Variants in DLG2 observed in about 807,000 individuals in gnomAD.
The protein encoded by DLG2 is discs large MAGUK scaffold protein 2, also known as disks large homolog 2.
Under a neutral mutation model 132.5 loss-of-function variants are expected in DLG2, and 45 were observed. The observed-to-expected ratio is 0.34, with a 90% CI of 0.27 to 0.44. DLG2 has a LOEUF of 0.44. Among genes scored for constraint, DLG2 ranks in the 20% least tolerant of loss-of-function variants. The pLI, the probability that DLG2 is intolerant of heterozygous loss-of-function variation, is 1.00. For missense variants in DLG2, 1,045 were observed against 1,196.9 expected, an observed-to-expected ratio of 0.87 and a Z score of 1.87; for synonymous variants, 424 against 419.6, an observed-to-expected ratio of 1.01 and a Z score of -0.13.
chr11:83,908,340 T>C (rs1024288027), intron 15 of DLG2, among the ~76,000 whole-genome samples: 7 of 152,032 alleles, frequency 4.6e-5, no homozygotes, highest in Non-Finnish European at 4.4e-5. Context: ...CCAACCTTTG[T>C]CTTCCCACTA....
intron 17 of DLG2, among the ~76,000 whole-genome samples, chr11:83,801,041 C>T (rs2044233387): frequency 6.6e-6 from 1 of 152,142 alleles, no homozygotes; most frequent in Non-Finnish European, 1.5e-5. Flanking sequence ...CTCAAAATTT[C>T]TCCCAAACAT....
At chr11:84,984,550 G>A (rs1163012601) in intron 6 of DLG2, among the ~76,000 whole-genome samples, 1 of 147,764 alleles carries the variant, frequency 6.8e-6, no homozygotes, top group Non-Finnish European at 1.5e-5. Context: ...AATCTCACAG[G>A]ACCAATAAAA....
At chr11:84,133,578 T>C (rs1434222799) in intron 9 of DLG2, among the ~76,000 whole-genome samples, 2 of 152,092 alleles carry the variant, frequency 1.3e-5, no homozygotes, top group Middle Eastern at 3.2e-3. Context: ...TACTTCACTA[T>C]AAAATTAATC....
chr11:84,587,512 A>G (rs1306626601), intron 6 of DLG2, among the ~76,000 whole-genome samples: 1 of 152,022 alleles, frequency 6.6e-6, no homozygotes, highest in Non-Finnish European at 1.5e-5. Flanking sequence ...CATGACTTTA[A>G]TTTTTTTCTC....
At chr11:84,830,741 T>A (rs2078930653) in intron 6 of DLG2, among the ~76,000 whole-genome samples, 1 of 151,594 alleles carries the variant, frequency 6.6e-6, no homozygotes, top group African/African-American at 2.4e-5. Flanking sequence ...TATTAATTAG[T>A]ACATATGTAG....
intron 6 of DLG2, among the ~76,000 whole-genome samples, chr11:84,791,876 A>G (rs1394886279): frequency 6.6e-6 from 1 of 152,172 alleles, no homozygotes; most frequent in African/African-American, 2.4e-5. Context: ...ATCATCTACA[A>G]ACAAGGATAA....
intron 3 of DLG2, among the ~76,000 whole-genome samples, chr11:85,551,333 A>G (rs948994059): frequency 6.6e-6 from 1 of 152,220 alleles, no homozygotes; most frequent in African/African-American, 2.4e-5. Context: ...ACATCGAGAA[A>G]AAAAACTGAG....
intron 11 of DLG2, among the ~76,000 whole-genome samples, chr11:83,987,864 G>T (rs2093439496): frequency 6.6e-6 from 1 of 152,118 alleles, no homozygotes; most frequent in African/African-American, 2.4e-5. Context: ...TTGATTTGCA[G>T]ATTTGCATTT....
intron 5 of DLG2, among the ~76,000 whole-genome samples, chr11:85,128,960 C>T (rs2075423653): frequency 6.6e-6 from 1 of 152,132 alleles, no homozygotes; most frequent in African/African-American, 2.4e-5. Flanking sequence ...ATCACTTAGA[C>T]ATAGGTAATA....
intron 6 of DLG2, among the ~76,000 whole-genome samples, chr11:84,814,901 G>C (rs562964278): frequency 2.0e-5 from 3 of 152,186 alleles, no homozygotes; most frequent in African/African-American, 7.2e-5. Context: ...ATTTTTTGAA[G>C]ACATGCTTTG....
intron 5 of DLG2, among the ~76,000 whole-genome samples, chr11:85,148,287 T>C (rs976305275): frequency 6.6e-6 from 1 of 152,174 alleles, no homozygotes; most frequent in African/African-American, 2.4e-5. Context: ...GACTGCTGGG[T>C]CAAATGGTAT....
chr11:85,462,947 A>T (rs1307550518), intron 3 of DLG2, among the ~76,000 whole-genome samples: 1 of 152,206 alleles, frequency 6.6e-6, no homozygotes, highest in Non-Finnish European at 1.5e-5. Flanking sequence ...TTCACAAGCA[A>T]GCTGTATCTC....
chr11:84,475,625 A>G (rs1022816068), intron 7 of DLG2, among the ~76,000 whole-genome samples: 2 of 152,096 alleles, frequency 1.3e-5, no homozygotes, highest in East Asian at 1.9e-4. Flanking sequence ...TATTCACACC[A>G]TAGATATCAT....
chr11:85,042,896 C>T (rs143614736), intron 6 of DLG2, among the ~76,000 whole-genome samples: 2 of 151,808 alleles, frequency 1.3e-5, no homozygotes, highest in Non-Finnish European at 1.5e-5. Context: ...AATAACCAAT[C>T]AGAGTCTCAC....
intron 2 of DLG2, among the ~76,000 whole-genome samples, chr11:85,607,350 A>G (rs2080642836): frequency 6.6e-6 from 1 of 152,146 alleles, no homozygotes; most frequent in Non-Finnish European, 1.5e-5. Context: ...GACAGAGGGG[A>G]AAGTCATTCA....
chr11:83,889,383 A>G (rs2068962547), intron 15 of DLG2, among the ~76,000 whole-genome samples: 1 of 152,190 alleles, frequency 6.6e-6, no homozygotes, highest in African/African-American at 2.4e-5. Context: ...CCATCAGAGA[A>G]ATGCAAATCA....
chr11:84,954,793 C>T (rs1027719272), intron 6 of DLG2, among the ~76,000 whole-genome samples: 1 of 152,114 alleles, frequency 6.6e-6, no homozygotes, highest in Admixed American at 6.5e-5. Flanking sequence ...AATAAATCTT[C>T]ACTTCGACTG....
chr11:85,408,764 T>C (rs892627323), intron 3 of DLG2, among the ~76,000 whole-genome samples: 5 of 151,810 alleles, frequency 3.3e-5, no homozygotes, highest in African/African-American at 1.2e-4. Context: ...CCATGGTGTA[T>C]GTGTGCCACA....
intron 6 of DLG2, among the ~76,000 whole-genome samples, chr11:84,870,696 A>G (rs1429932473): frequency 2.6e-5 from 4 of 152,198 alleles, no homozygotes. Flanking sequence ...ACACATTTAT[A>G]TATTTACATA....
Sources: allele counts gnomAD v4.1 joint callset (sites outside exome capture counted in the v4.1 genomes callset), GRCh38; gene constraint gnomAD v4.1.1; transcripts MANE v1.5; gene names NCBI Gene and HGNC (gene_info 2026-07-23, HGNC 2026-07-21).